The following LRP1B variants were observed in gnomAD, a reference collection of about 807,000 sequenced individuals.
LRP1B encodes low-density lipoprotein receptor-related protein 1B.
A neutral mutation model predicts 556.6 loss-of-function variants in LRP1B; 217 were observed. The ratio of observed to expected loss-of-function variants is 0.39; its 90% CI spans 0.35 to 0.44. The LOEUF is 0.44. LRP1B is among the 20% of genes least tolerant of loss of function. The pLI, the probability that LRP1B is intolerant of heterozygous loss-of-function variation, is 1.00. For missense variants in LRP1B, 5,053 were observed against 5,620.8 expected (o/e 0.90, Z 3.23); for synonymous variants, 2,047 against 1,865.8 (o/e 1.10, Z -2.50).
intron 2 of LRP1B, among the ~76,000 whole-genome samples, chr2:141,569,994 G>T (rs72855407): frequency 0.27 from 41,140 of 150,504 alleles, 7,162 homozygotes; most frequent in East Asian, 0.48. Flanking sequence ...GCACTTTGTG[G>T]GCCACAGACA....
chr2:141,119,081 T>C (rs1272844114), intron 7 of LRP1B, among the ~76,000 whole-genome samples: 2 of 151,960 alleles, frequency 1.3e-5, no homozygotes, highest in Non-Finnish European at 2.9e-5. Flanking sequence ...AGTAACTTGA[T>C]GAGTTAATTT....
At chr2:140,827,655 T>C (rs976214939) in intron 31 of LRP1B, among the ~76,000 whole-genome samples, 7 of 151,994 alleles carry the variant, frequency 4.6e-5, no homozygotes, top group Non-Finnish European at 5.9e-5. Flanking sequence ...CTAAGAGTTA[T>C]TAGCATATAA....
chr2:140,741,522 G>C (rs1322147403), intron 35 of LRP1B, among the ~76,000 whole-genome samples: 1 of 151,974 alleles, frequency 6.6e-6, no homozygotes, highest in African/African-American at 2.4e-5. Flanking sequence ...ACATGTGCAG[G>C]TTTGTTACAT....
At chr2:141,619,319 C>G (rs1485323734) in intron 2 of LRP1B, among the ~76,000 whole-genome samples, 3 of 152,172 alleles carry the variant, frequency 2.0e-5, no homozygotes, top group Non-Finnish European at 4.4e-5. Flanking sequence ...TCTTTAACAA[C>G]AGGAGGAGCT....
intron 1 of LRP1B, among the ~76,000 whole-genome samples, chr2:141,971,696 C>T (rs575818868): frequency 6.6e-6 from 1 of 151,500 alleles, no homozygotes; most frequent in South Asian, 2.1e-4. Flanking sequence ...ATCAAGTTAC[C>T]AGTAAAAAAT....
At chr2:140,723,207 A>G (rs1278130664) in intron 35 of LRP1B, among the ~76,000 whole-genome samples, 2 of 152,288 alleles carry the variant, frequency 1.3e-5, no homozygotes, top group East Asian at 3.9e-4. Flanking sequence ...ATTTTGGGTC[A>G]GTTCTCATGA....
intron 2 of LRP1B, among the ~76,000 whole-genome samples, chr2:141,613,101 C>T (rs1376029740): frequency 6.6e-6 from 1 of 152,134 alleles, no homozygotes. Context: ...AGCCACCGCA[C>T]CTGGCCTGTT....
intron 2 of LRP1B, among the ~76,000 whole-genome samples, chr2:141,506,066 A>C (rs1683923061): frequency 6.6e-6 from 1 of 152,062 alleles, no homozygotes; most frequent in African/African-American, 2.4e-5. Context: ...ATCATTTGTC[A>C]TTAGACAAAC....
intron 20 of LRP1B, among the ~76,000 whole-genome samples, chr2:140,944,451 AT>A (rs1228409186): frequency 6.6e-6 from 1 of 151,978 alleles, no homozygotes; most frequent in Admixed American, 6.6e-5. Context: ...CAAAAATCAG[AT>A]GCAATGAAAA....
At chr2:141,242,164 T>C (rs1041286678) in intron 5 of LRP1B, among the ~76,000 whole-genome samples, 1 of 152,118 alleles carries the variant, frequency 6.6e-6, no homozygotes, top group African/African-American at 2.4e-5. Flanking sequence ...CAGGCATTAC[T>C]CAGTGGCTGA....
intron 3 of LRP1B, among the ~76,000 whole-genome samples, chr2:141,406,816 T>C (rs755218808): frequency 3.3e-5 from 5 of 152,176 alleles, no homozygotes; most frequent in Middle Eastern, 6.8e-3. Flanking sequence ...ATAAGTACAA[T>C]AACTTGTATT....
intron 74 of LRP1B, 124 bp from the exon 75 acceptor site, chr2:140,356,600 G>A (rs1354518727): frequency 5.0e-5 from 32 of 638,006 alleles, no homozygotes; most frequent in Non-Finnish European, 3.8e-5. Flanking sequence ...AATGTACAAG[G>A]TTACGGTCTT....
chr2:140,769,373 G>T, intron 34 of LRP1B, 29 bp from the exon 35 acceptor site: 1 of 1,566,610 alleles, frequency 6.4e-7, no homozygotes. Context: ...ATAAGGGGGG[G>T]AAGGGAAGCC....
intron 82 of LRP1B, among the ~76,000 whole-genome samples, chr2:140,320,217 C>T (rs1680027395): frequency 6.6e-6 from 1 of 152,140 alleles, no homozygotes; most frequent in African/African-American, 2.4e-5. Context: ...TCTTCTGTGG[C>T]TTGTGTCACT....
At chr2:141,260,670 T>C (rs1227283801) in intron 3 of LRP1B, among the ~76,000 whole-genome samples, 1 of 152,204 alleles carries the variant, frequency 6.6e-6, no homozygotes, top group Non-Finnish European at 1.5e-5. Flanking sequence ...TTGTGACCTA[T>C]AGTCAAATAA....
intron 2 of LRP1B, among the ~76,000 whole-genome samples, chr2:141,556,476 G>T (rs1685965892): frequency 6.6e-6 from 1 of 151,864 alleles, no homozygotes. Context: ...TTCACCATCT[G>T]CATGATACTG....
intron 41 of LRP1B, among the ~76,000 whole-genome samples, chr2:140,673,974 A>G (rs1479727653): frequency 2.2e-5 from 3 of 139,076 alleles, no homozygotes; most frequent in Non-Finnish European, 4.7e-5. Context: ...TTTGCGACAG[A>G]GTCTTGCTTT....
intron 43 of LRP1B, among the ~76,000 whole-genome samples, chr2:140,562,610 T>A (rs1680971112): frequency 6.6e-6 from 1 of 152,032 alleles, no homozygotes; most frequent in Non-Finnish European, 1.5e-5. Context: ...TTTCTTTTCT[T>A]TTCTGTTATT....
At chr2:141,151,952 GTAATT>G (rs1447104763) in intron 7 of LRP1B, among the ~76,000 whole-genome samples, 2 of 152,044 alleles carry the variant, frequency 1.3e-5, no homozygotes, top group African/African-American at 4.8e-5. Context: ...AAGAAAAATA[GTAATT>G]TAATATTTAA....
Sources: gnomAD v4.1 joint callset for allele counts (sites outside exome capture counted in the v4.1 genomes callset) on GRCh38, gnomAD v4.1.1 for gene constraint, MANE v1.5 for transcripts, NCBI Gene and HGNC (gene_info 2026-07-23, HGNC 2026-07-21) for gene names.